The following RGPD4 variants were observed in gnomAD, a reference collection of about 807,000 sequenced individuals.
The protein encoded by RGPD4 is RANBP2 like and GRIP domain containing 4, also known as ranBP2-like and GRIP domain-containing protein 4.
RGPD4 carries 84 observed loss-of-function variants against 141.1 expected under a neutral mutation model. The observed-to-expected ratio is 0.60, with a 90% CI of 0.50 to 0.71. The LOEUF (loss-of-function observed/expected upper bound fraction) is 0.71, where lower values mean the gene tolerates loss of function less well. Ranked by LOEUF, RGPD4 falls within the 30% of genes least tolerant of loss-of-function variation. The pLI, the probability that RGPD4 is intolerant of heterozygous loss-of-function variation, is 0.00. For synonymous variants in RGPD4, 298 were observed against 566.8 expected (o/e 0.53, Z 6.74); for missense variants, 918 against 1,622.4 (o/e 0.57, Z 7.46).
rs1222283120 is a variant in RGPD4 at position 107,844,830 on chromosome 2, G to GTTTTTTT, written c.782+1118_782+1124dup. On this transcript the variant is annotated intron_variant, in intron 6 of 22. Transcript: ENST00000408999. ...TTCTTTCTTTCTTTCTTTCTTTTTTGTTTTTTTTTTTTTTTTTTTTTTTTG... is the reference window on the plus strand; with the variant it reads ...TTCTTTCTTTCTTTCTTTCTTTTTTGTTTTTTTTTTTTTTTTTTTTTTTTTTTTTTTG... Among the ~76,000 whole-genome samples, 47 of 26,186 alleles carry GTTTTTTT rather than the reference G, an allele frequency of 1.8e-3. 1 individual carries two copies. Among genetic ancestry groups the GTTTTTTT allele is most frequent in the African/African-American group, 2.8e-3 (19 of 6,816 alleles). 17.2% of individuals were successfully genotyped at this position (26,186 alleles called of 152,430 possible).
chr2:107,829,625 C>G (rs1199742410), intron 1 of RGPD4, among the ~76,000 whole-genome samples: 1 of 152,098 alleles, frequency 6.6e-6, no homozygotes, highest in African/African-American at 2.4e-5. Flanking sequence ...GTTGAGGCGC[C>G]GGCCGGCTGG....
chr2:107,863,532 G>A (rs976415698), intron 17 of RGPD4, among the ~76,000 whole-genome samples: 15 of 150,050 alleles, frequency 1.0e-4, no homozygotes, highest in Non-Finnish European at 1.9e-4. Context: ...TCGCTCTGTT[G>A]CCCAGGCTGG....
intron 22 of RGPD4, among the ~76,000 whole-genome samples, chr2:107,884,549 G>A (rs1222281615): frequency 1.4e-5 from 2 of 147,466 alleles, no homozygotes; most frequent in African/African-American, 5.1e-5. Flanking sequence ...TGTTCCAATT[G>A]CCTATAAATA....
chr2:107,856,011 C>T (rs1388525029), intron 8 of RGPD4, among the ~76,000 whole-genome samples: 1 of 127,256 alleles, frequency 7.9e-6, no homozygotes, highest in East Asian at 2.1e-4. Flanking sequence ...TTACTGTAAA[C>T]CTATGGCATA....
intron 20 of RGPD4, among the ~76,000 whole-genome samples, chr2:107,878,603 A>G (rs1396808276): frequency 6.9e-6 from 1 of 145,300 alleles, no homozygotes; most frequent in East Asian, 2.0e-4. Flanking sequence ...TCAATATTCC[A>G]CTACCTGTTT....
chr2:107,833,136 A>T, intron 1 of RGPD4, among the ~76,000 whole-genome samples: 1 of 147,776 alleles, frequency 6.8e-6, no homozygotes, highest in East Asian at 2.0e-4. Flanking sequence ...AGCTGATCAG[A>T]TGGGTTTGTT....
Position 107,859,103 on chromosome 2 carries a change from T to C in RGPD4, c.1277-11T>C. On this transcript the variant is annotated splice_polypyrimidine_tract_variant and intron_variant, in intron 9 of 22. Transcript: ENST00000408999. ...TCAAACCCTTAAGCCAATTTTTTTA[T>C]TTTATTTCAGGTGCTATTCGAGCAC... The C allele has an allele frequency of 9.0e-7, 1 of 1,109,126 alleles. No homozygotes were observed. Among genetic ancestry groups the C allele is most frequent in the East Asian group, 2.7e-5 (1 of 36,834 alleles). The allele number at this position is 1,109,126 out of a possible 1,614,324, so 68.7% of individuals were successfully genotyped here.
intron 1 of RGPD4, among the ~76,000 whole-genome samples, chr2:107,829,963 G>T (rs1291171195): frequency 6.6e-6 from 1 of 152,088 alleles, no homozygotes; most frequent in African/African-American, 2.4e-5. Flanking sequence ...GCAGCTCCGG[G>T]TGAGCTTTGG....
Position 107,829,833 on chromosome 2 carries a change from G to A in RGPD4, c.72+2748G>A, listed in dbSNP as rs185076517. Among the ~76,000 whole-genome samples, 1,326 of 152,148 alleles carry A rather than the reference G, an allele frequency of 8.7e-3. 28 individuals carry two copies. Among genetic ancestry groups the A allele is most frequent in the African/African-American group, 0.031 (1,275 of 41,474 alleles). Reference sequence around the variant, plus strand: ...GTAGTACCCGCGCAGCCTGGTTCTCGGGGGCTTAGGCACCCGGGTGCTGTA... The same window carrying A: ...GTAGTACCCGCGCAGCCTGGTTCTCAGGGGCTTAGGCACCCGGGTGCTGTA... On this transcript the variant is annotated intron_variant, in intron 1 of 22. Transcript: ENST00000408999.
At position 107,827,698 on chromosome 2, in the gene RGPD4, G is replaced by A. The variant is rs1376523763; in HGVS notation, c.72+613G>A. On this transcript the variant is annotated intron_variant, in intron 1 of 22. Coordinates refer to ENST00000408999, the MANE Select transcript of RGPD4 (RefSeq NM_182588.3). ...GGCGGCCTCGACCTGGCTGGGCGGC[G>A]GCGGCCTGGACCTGGCCCGGCGGCG... 1.9e-4 allele frequency among the ~76,000 whole-genome samples: 11 copies of A among 57,204 alleles called. 3 individuals are homozygous for A. In the East Asian group the frequency reaches 2.3e-3, roughly 12 times the overall value. The allele number at this position is 57,204 out of a possible 152,430, so 37.5% of individuals were successfully genotyped here. A position where few individuals can be genotyped will look rare whatever the true frequency, so the allele number is the denominator to read the frequency against.
chr2:107,852,240 G>A lies in RGPD4; in HGVS notation c.979-2316G>A, dbSNP rs1362382773. 4.3e-3 allele frequency among the ~76,000 whole-genome samples: 374 copies of A among 86,018 alleles called. 2 individuals are homozygous for A. The highest frequency in any genetic ancestry group is 0.016 in the African/African-American group (339 of 20,958). The allele number at this position is 86,018 out of a possible 152,430, so 56.4% of individuals were successfully genotyped here. A position where few individuals can be genotyped will look rare whatever the true frequency, so the allele number is the denominator to read the frequency against. ...GCACTGCAGCCTGGCAACAGAGCGAGACTCCATCTCAAAAAAAAAAAAAAA... is the reference window on the plus strand; with the variant it reads ...GCACTGCAGCCTGGCAACAGAGCGAAACTCCATCTCAAAAAAAAAAAAAAA... On this transcript the variant is annotated intron_variant, in intron 7 of 22. Transcript: ENST00000408999.
intron 1 of RGPD4, among the ~76,000 whole-genome samples, chr2:107,829,794 G>A (rs1336698412): frequency 5.9e-5 from 9 of 152,136 alleles, no homozygotes; most frequent in Non-Finnish European, 1.5e-5. Context: ...TCCTGGCCCG[G>A]GCTTTCTGGC....
intron 22 of RGPD4, chr2:107,883,101 C>G (rs1675411679): frequency 4.6e-6 from 3 of 647,872 alleles, no homozygotes; most frequent in Non-Finnish European, 8.4e-6. Flanking sequence ...AAGTGCTTAG[C>G]TTGATCTTCT....
chr2:107,885,292 A>C (rs936555945), intron 22 of RGPD4, among the ~76,000 whole-genome samples: 1 of 152,204 alleles, frequency 6.6e-6, no homozygotes, highest in Non-Finnish European at 1.5e-5. Context: ...CTAATTTTAT[A>C]GTTATAAAAT....
At chr2:107,845,199 C>A (rs1405595832) in intron 6 of RGPD4, among the ~76,000 whole-genome samples, 2 of 115,362 alleles carry the variant, frequency 1.7e-5, no homozygotes, top group South Asian at 3.1e-4. Flanking sequence ...CGACACCACA[C>A]CTGGCTAATT....
chr2:107,833,555 CT>C (rs1192297820), intron 1 of RGPD4, among the ~76,000 whole-genome samples: 1 of 150,242 alleles, frequency 6.7e-6, no homozygotes, highest in Non-Finnish European at 1.5e-5. Flanking sequence ...CATTTGCCTG[CT>C]TGAGCTTCAG....
At chr2:107,844,823 C>CTTTCTTTCT (rs1681859004) in intron 6 of RGPD4, among the ~76,000 whole-genome samples, 1 of 53,856 alleles carries the variant, frequency 1.9e-5, no homozygotes, top group African/African-American at 6.9e-5. Context: ...TTCTTTCTTT[C>CTTTCTTTCT]TTTTTTGTTT....
chr2:107,880,694 GGT>G (rs1329040564), intron 21 of RGPD4, among the ~76,000 whole-genome samples: 2 of 148,150 alleles, frequency 1.3e-5, no homozygotes, highest in Non-Finnish European at 3.0e-5. Context: ...ATAAAAAATG[GGT>G]GTGAGTCTTT....
chr2:107,831,529 A>T, intron 1 of RGPD4, among the ~76,000 whole-genome samples: 2 of 130,878 alleles, frequency 1.5e-5, no homozygotes, highest in African/African-American at 2.8e-5. Context: ...GTTATTTTTA[A>T]TTCCCTTTCT....
Sources: allele counts gnomAD v4.1 joint callset (sites outside exome capture counted in the v4.1 genomes callset), GRCh38; gene constraint gnomAD v4.1.1; transcripts MANE v1.5; gene names NCBI Gene and HGNC (gene_info 2026-07-23, HGNC 2026-07-21).